The following RHOG variants were observed in gnomAD, a reference collection of about 807,000 sequenced individuals.
RHOG encodes the protein ras homolog family member G.
A neutral mutation model predicts 12.3 loss-of-function variants in RHOG; 1 was observed. The ratio of observed to expected loss-of-function variants is 0.08; its 90% CI spans 0.03 to 0.39. The LOEUF (loss-of-function observed/expected upper bound fraction) is 0.39, where lower values mean the gene tolerates loss of function less well. Among genes scored for constraint, RHOG ranks in the 10% least tolerant of loss-of-function variants. RHOG has a pLI of 0.99. For synonymous variants in RHOG, 129 were observed against 116.0 expected (o/e 1.11, Z -0.72); for missense variants, 114 against 266.2 (o/e 0.43, Z 3.98).
intron 1 of RHOG, chr11:3,837,840 A>G (rs1248653104): frequency 6.6e-6 from 1 of 152,252 alleles, no homozygotes; most frequent in Non-Finnish European, 1.5e-5. Flanking sequence ...CCAGGCTCTC[A>G]TGCCTAGCCC....
chr11:3,834,619 A>C (rs988483338), intron 1 of RHOG, among the ~76,000 whole-genome samples: 5 of 152,338 alleles, frequency 3.3e-5, no homozygotes, highest in Admixed American at 3.3e-4. Flanking sequence ...ATGGGGGTCT[A>C]ACCCTATCTG....
chr11:3,835,708 A>G (rs2135139679), intron 1 of RHOG, among the ~76,000 whole-genome samples: 1 of 152,302 alleles, frequency 6.6e-6, no homozygotes, highest in South Asian at 2.1e-4. Flanking sequence ...GATCTAGCTC[A>G]GAGATGATGA....
chr11:3,830,982 G>C (rs2090124304), intron 1 of RHOG, among the ~76,000 whole-genome samples: 1 of 151,540 alleles, frequency 6.6e-6, no homozygotes, highest in South Asian at 2.1e-4. Flanking sequence ...TTCCCTGACT[G>C]TCTCCCACAA....
At chr11:3,834,007 C>G (rs952629406) in intron 1 of RHOG, among the ~76,000 whole-genome samples, 8 of 152,204 alleles carry the variant, frequency 5.3e-5, no homozygotes, top group Non-Finnish European at 1.0e-4. Flanking sequence ...ACTGCAATCT[C>G]CACCTCCCGG....
At chr11:3,835,919 G>A (rs531188194) in intron 1 of RHOG, among the ~76,000 whole-genome samples, 3 of 152,242 alleles carry the variant, frequency 2.0e-5, no homozygotes, top group Non-Finnish European at 2.9e-5. Context: ...GCTGGCTGCA[G>A]CTGGGCTGGG....
intron 1 of RHOG, among the ~76,000 whole-genome samples, chr11:3,838,476 T>C (rs1040204285): frequency 6.6e-6 from 1 of 151,240 alleles, no homozygotes; most frequent in African/African-American, 2.4e-5. Context: ...TAAGCTGTGA[T>C]GCTGGGAAAG....
chr11:3,832,147 C>T (rs2090133269), intron 1 of RHOG, among the ~76,000 whole-genome samples: 1 of 152,150 alleles, frequency 6.6e-6, no homozygotes, highest in South Asian at 2.1e-4. Context: ...ATCTGCCGAC[C>T]TTGACCCTTG....
intron 1 of RHOG, among the ~76,000 whole-genome samples, chr11:3,832,376 A>C (rs1214450847): frequency 6.6e-6 from 1 of 152,230 alleles, no homozygotes; most frequent in Non-Finnish European, 1.5e-5. Context: ...GGTGCATCAT[A>C]CAGTCTTCAA....
At position 3,828,040 on chromosome 11, in the gene RHOG, G is replaced by A. The variant is rs763579274; in HGVS notation, c.99C>T (p.Ile33=). ...CGCTGTAATTGTCGAACACGGTGGGGATGTACTCTTTGGGGAAAGCGTTAG... is the reference window on the plus strand; with the variant it reads ...CGCTGTAATTGTCGAACACGGTGGGAATGTACTCTTTGGGGAAAGCGTTAG... The part of the protein sequence containing the change: ...YTTNAFPKEY[I]PTVFDNYSAQ... The change falls in exon 2 of 2, where the codon ATC becomes ATT. Residue 33 remains isoleucine (I), a synonymous_variant. Coordinates refer to ENST00000351018, the MANE Select transcript of RHOG (RefSeq NM_001665.4). The A allele has an allele frequency of 6.2e-7, 1 of 1,614,268 alleles. No individual in the cohort carries two copies. The highest frequency in any genetic ancestry group is 2.2e-5 in the East Asian group (1 of 44,882).
At chr11:3,840,765 G>C (rs2090188477) in intron 1 of RHOG, 129 bp downstream of exon 1, 1 of 151,940 alleles carries the variant, frequency 6.6e-6, no homozygotes, top group South Asian at 2.1e-4. Flanking sequence ...GCCCTACTTG[G>C]ACTGAACCGA....
At chr11:3,840,194 G>T (rs1170178688) in intron 1 of RHOG, among the ~76,000 whole-genome samples, 2 of 152,132 alleles carry the variant, frequency 1.3e-5, no homozygotes, top group Non-Finnish European at 2.9e-5. Flanking sequence ...GCAAGACCAA[G>T]TTACTCCCAA....
intron 1 of RHOG, among the ~76,000 whole-genome samples, chr11:3,828,422 C>T (rs1397441113): frequency 2.0e-5 from 3 of 152,096 alleles, no homozygotes; most frequent in Non-Finnish European, 2.9e-5. Context: ...TAAACTCTGG[C>T]GCCAGACAAA....
chr11:3,829,951 TAGTC>T (rs2090116382), intron 1 of RHOG, among the ~76,000 whole-genome samples: 1 of 152,152 alleles, frequency 6.6e-6, no homozygotes, highest in African/African-American at 2.4e-5. Flanking sequence ...TTCACCATGT[TAGTC>T]AGGCTAGTCT....
chr11:3,839,830 C>A (rs2090180232), intron 1 of RHOG, among the ~76,000 whole-genome samples: 1 of 151,918 alleles, frequency 6.6e-6, no homozygotes, highest in Admixed American at 6.6e-5. Flanking sequence ...ATGGAAGAAA[C>A]CAGGAGGTGC....
intron 1 of RHOG, among the ~76,000 whole-genome samples, chr11:3,828,814 G>T (rs55711321): frequency 0.011 from 1,693 of 151,464 alleles, 18 homozygotes; most frequent in South Asian, 0.022. Context: ...TAGAGATGGG[G>T]TTTCACCGTG....
At chr11:3,837,868 A>G (rs1229967417) in intron 1 of RHOG, 2 of 152,260 alleles carry the variant, frequency 1.3e-5, no homozygotes, top group Non-Finnish European at 2.9e-5. Context: ...TGCATTCATG[A>G]TTTAGCACTG....
intron 1 of RHOG, chr11:3,837,680 C>T (rs905676076): frequency 6.6e-6 from 1 of 152,208 alleles, no homozygotes; most frequent in Non-Finnish European, 1.5e-5. Flanking sequence ...GCTACTTCTA[C>T]AAAGGAGAGA....
chr11:3,838,474 G>C (rs2135142363), intron 1 of RHOG, among the ~76,000 whole-genome samples: 1 of 151,978 alleles, frequency 6.6e-6, no homozygotes, highest in Middle Eastern at 3.4e-3. Context: ...ATTAAGCTGT[G>C]ATGCTGGGAA....
chr11:3,828,716 T>G (rs145063329), intron 1 of RHOG, among the ~76,000 whole-genome samples: 1 of 149,778 alleles, frequency 6.7e-6, no homozygotes, highest in Non-Finnish European at 1.5e-5. Flanking sequence ...CTCCGCCTCC[T>G]GGGTTCACGC....
Sources: allele counts gnomAD v4.1 joint callset (sites outside exome capture counted in the v4.1 genomes callset), GRCh38; gene constraint gnomAD v4.1.1; transcripts MANE v1.5; gene names NCBI Gene and HGNC (gene_info 2026-07-23, HGNC 2026-07-21).